BRAP: variants seen among roughly 807,000 people sequenced by gnomAD.
The protein encoded by BRAP is BRCA1-associated protein.
A neutral mutation model predicts 73.4 loss-of-function variants in BRAP; 42 were observed. The ratio of observed to expected loss-of-function variants is 0.57; its 90% CI spans 0.45 to 0.74. The LOEUF (loss-of-function observed/expected upper bound fraction) is 0.74, where lower values mean the gene tolerates loss of function less well. Ranked by LOEUF, BRAP falls within the 30% of genes least tolerant of loss-of-function variation. BRAP has a pLI of 0.00. For synonymous variants in BRAP, 255 were observed against 267.4 expected (o/e 0.95, Z 0.45); for missense variants, 593 against 751.4 (o/e 0.79, Z 2.46).
At chr12:111,661,612 C>T (rs766745447) in intron 6 of BRAP, among the ~76,000 whole-genome samples, 2 of 151,926 alleles carry the variant, frequency 1.3e-5, no homozygotes, top group Non-Finnish European at 2.9e-5. Flanking sequence ...AACAACCTGC[C>T]TTATCCCCAT....
intron 9 of BRAP, among the ~76,000 whole-genome samples, chr12:111,658,141 G>C (rs1052392655): frequency 3.4e-4 from 52 of 151,678 alleles, no homozygotes; most frequent in African/African-American, 1.2e-3. Flanking sequence ...TGTTGGCCAG[G>C]TTGGTCTTGA....
At chr12:111,662,549 T>TA (rs569027828) in intron 6 of BRAP, among the ~76,000 whole-genome samples, 5 of 144,278 alleles carry the variant, frequency 3.5e-5, no homozygotes, top group East Asian at 4.0e-4. Flanking sequence ...AAACTCCGTC[T>TA]AAAAAAAAAA....
Position 111,683,167 on chromosome 12 carries a change from C to T in BRAP, c.223G>A (p.Glu75Lys), listed in dbSNP as rs781545925. The stretch of plus-strand genomic sequence containing the variant: ...ATACCTGGGTTGGACTTCATGGTCT[C>T]AATGATCACATCTGTCATTTCTCGA... The part of the protein sequence containing the change: ...GRREMTDVII[E>K]TMKSNPDELK... The change falls in exon 2 of 12, where the codon GAG becomes AAG. Residue 75 changes from glutamate to lysine, a missense_variant. Glu to Lys is a moderately conservative substitution (Grantham distance 56). Around this residue, in one of 4 missense-constraint regions of BRAP, gnomAD observed 304 missense variants for 337.7 expected, o/e 0.90. Transcript: ENST00000419234. 2 of 1,613,862 alleles carry T rather than the reference C, an allele frequency of 1.2e-6. No individual in the cohort carries two copies. Among genetic ancestry groups the T allele is most frequent in the Non-Finnish European group, 1.7e-6 (2 of 1,179,904 alleles).
At chr12:111,675,080 G>C (rs1592993796) in intron 4 of BRAP, among the ~76,000 whole-genome samples, 1 of 152,094 alleles carries the variant, frequency 6.6e-6, no homozygotes, top group South Asian at 2.1e-4. Flanking sequence ...GGGCAACGTG[G>C]CGAAACCCCA....
chr12:111,679,059 C>T (rs1028564742), intron 4 of BRAP, 92 bp downstream of exon 4: 3 of 934,214 alleles, frequency 3.2e-6, no homozygotes, highest in Admixed American at 3.5e-5. Context: ...ATCTTAAGTG[C>T]AAAATGTTGT....
chr12:111,654,513 G>A (rs1055969348), intron 10 of BRAP, among the ~76,000 whole-genome samples: 2 of 147,524 alleles, frequency 1.4e-5, no homozygotes, highest in Admixed American at 1.3e-4. Flanking sequence ...ATTGGGTTTC[G>A]CCATGTTGGC....
At chr12:111,673,280 G>C (rs556759647) in intron 4 of BRAP, 32 of 153,170 alleles carry the variant, frequency 2.1e-4, no homozygotes, top group South Asian at 1.4e-3. Context: ...CGAGGCGGGC[G>C]GATCGCCTAA....
At position 111,644,102 on chromosome 12, in the gene BRAP, T is replaced by C. The variant is rs1362196138; in HGVS notation, c.*97A>G. On this transcript the variant is annotated 3_prime_UTR_variant, in exon 12 of 12. Transcript: ENST00000419234. ...ACAACTGTGGCTTGATCCTCACTTG[T>C]ACTTATTAGGGCCCACCCTCACATT... 2.0e-6 allele frequency: 3 copies of C among 1,488,586 alleles called. No homozygotes were observed. The highest frequency in any genetic ancestry group is 4.2e-5 in the Admixed American group (2 of 47,228). 92.2% of individuals were successfully genotyped at this position (1,488,586 alleles called of 1,614,324 possible).
chr12:111,662,260 A>G (rs1417558287), intron 6 of BRAP, among the ~76,000 whole-genome samples: 2 of 152,084 alleles, frequency 1.3e-5, no homozygotes, highest in Non-Finnish European at 2.9e-5. Context: ...TGCTCAAGAT[A>G]TAACTAGTGG....
At chr12:111,647,671 G>A (rs1034635480) in intron 11 of BRAP, among the ~76,000 whole-genome samples, 3 of 151,892 alleles carry the variant, frequency 2.0e-5, no homozygotes, top group East Asian at 3.9e-4. Context: ...TTTAGCAGGC[G>A]GATCACCTGA....
At chr12:111,666,701 T>C (rs1886958943) in intron 5 of BRAP, among the ~76,000 whole-genome samples, 1 of 152,172 alleles carries the variant, frequency 6.6e-6, no homozygotes. Flanking sequence ...AAGACAGTGC[T>C]TGACTTGACG....
intron 11 of BRAP, among the ~76,000 whole-genome samples, chr12:111,645,152 T>G (rs1343471135): frequency 6.6e-6 from 1 of 151,924 alleles, no homozygotes; most frequent in Non-Finnish European, 1.5e-5. Context: ...CACTGCAACC[T>G]CTGCCGCTTG....
intron 11 of BRAP, among the ~76,000 whole-genome samples, chr12:111,648,942 A>G (rs1164843251): frequency 6.6e-6 from 1 of 151,846 alleles, no homozygotes; most frequent in East Asian, 1.9e-4. Context: ...AAAAAGATGT[A>G]GTGAGCTAAG....
At chr12:111,684,663 G>GTT (rs796561385) in intron 1 of BRAP, among the ~76,000 whole-genome samples, 3 of 147,958 alleles carry the variant, frequency 2.0e-5, no homozygotes, top group Admixed American at 6.7e-5. Context: ...ATGAGCATAA[G>GTT]TTTTTTTTTT....
chr12:111,674,307 A>C (rs1470110578), intron 4 of BRAP, among the ~76,000 whole-genome samples: 1 of 151,858 alleles, frequency 6.6e-6, no homozygotes, highest in Non-Finnish European at 1.5e-5. Flanking sequence ...CAATGGCATG[A>C]CGTCAGCTCA....
intron 6 of BRAP, among the ~76,000 whole-genome samples, chr12:111,664,464 A>C (rs1317753059): frequency 1.3e-5 from 2 of 152,234 alleles, no homozygotes; most frequent in African/African-American, 4.8e-5. Context: ...GTTCAAGGCA[A>C]CTGGACAATT....
intron 7 of BRAP, among the ~76,000 whole-genome samples, chr12:111,659,888 A>T (rs1296403303): frequency 6.6e-6 from 1 of 151,908 alleles, no homozygotes; most frequent in Non-Finnish European, 1.5e-5. Context: ...CAAAAACAAA[A>T]TTTTTTAGAA....
intron 4 of BRAP, among the ~76,000 whole-genome samples, chr12:111,675,383 T>C (rs573332698): frequency 1.5e-4 from 23 of 151,764 alleles, no homozygotes; most frequent in African/African-American, 5.1e-4. Context: ...TTTTTTGTAA[T>C]GACAACATCA....
intron 4 of BRAP, among the ~76,000 whole-genome samples, chr12:111,678,651 C>T (rs796964571): frequency 1.4e-4 from 21 of 150,340 alleles, no homozygotes; most frequent in African/African-American, 4.4e-4. Context: ...AGCGAGAATT[C>T]GTCTCAAAAA....
Sources: allele counts gnomAD v4.1 joint callset (sites outside exome capture counted in the v4.1 genomes callset), GRCh38; gene constraint gnomAD v4.1.1; regional missense constraint gnomAD v4.1.1; transcripts MANE v1.5; gene names NCBI Gene and HGNC (gene_info 2026-07-23, HGNC 2026-07-21).